RARB: variants seen among roughly 807,000 people sequenced by gnomAD.
The protein encoded by RARB is HBV-activated protein.
A neutral mutation model predicts 51.9 loss-of-function variants in RARB; 17 were observed. The ratio of observed to expected loss-of-function variants is 0.33; its 90% CI spans 0.22 to 0.49. The LOEUF is 0.49. Ranked by LOEUF, RARB falls within the 20% of genes least tolerant of loss-of-function variation. The pLI, the probability that RARB is intolerant of heterozygous loss-of-function variation, is 0.99. For synonymous variants in RARB, 215 were observed against 195.4 expected (o/e 1.10, Z -0.84); for missense variants, 369 against 550.8 (o/e 0.67, Z 3.30).
intron 2 of RARB, among the ~76,000 whole-genome samples, chr3:24,871,523 A>G (rs368047053): frequency 3.1e-4 from 47 of 152,178 alleles, no homozygotes; most frequent in East Asian, 2.5e-3. Flanking sequence ...AAATCTATAG[A>G]TTGAATGTCC....
At chr3:24,992,860 A>G (rs1696942940) in intron 2 of RARB, among the ~76,000 whole-genome samples, 1 of 149,806 alleles carries the variant, frequency 6.7e-6, no homozygotes, top group Non-Finnish European at 1.5e-5. Flanking sequence ...AGGGATTAGG[A>G]CTTCAACATA....
At chr3:25,475,411 A>G (rs1307591437) in intron 2 of RARB, among the ~76,000 whole-genome samples, 2 of 151,256 alleles carry the variant, frequency 1.3e-5, no homozygotes, top group African/African-American at 2.4e-5. Flanking sequence ...AGGGGGGGGG[A>G]TCCCCTGCAA....
At chr3:25,331,089 C>T (rs888006160) in intron 5 of RARB, among the ~76,000 whole-genome samples, 47 of 152,134 alleles carry the variant, frequency 3.1e-4, no homozygotes, top group Admixed American at 1.0e-3. Flanking sequence ...GACTTTAACA[C>T]CCCACTGTCA....
intron 5 of RARB, among the ~76,000 whole-genome samples, chr3:25,333,417 G>A (rs1373776742): frequency 4.6e-5 from 7 of 152,254 alleles, no homozygotes; most frequent in Non-Finnish European, 8.8e-5. Flanking sequence ...ACAAAAACAA[G>A]AAATGGGGAA....
At chr3:25,013,766 G>A (rs928430380) in intron 2 of RARB, among the ~76,000 whole-genome samples, 4 of 152,074 alleles carry the variant, frequency 2.6e-5, no homozygotes, top group Non-Finnish European at 4.4e-5. Context: ...CCCACACCGG[G>A]CTTCAAGGCT....
chr3:25,146,560 T>C (rs776262320), intron 4 of RARB, among the ~76,000 whole-genome samples: 1 of 144,090 alleles, frequency 6.9e-6, no homozygotes, highest in South Asian at 2.2e-4. Context: ...CAGGCTGGAG[T>C]GCAATGGCGC....
chr3:25,140,931 A>G (rs188068416), intron 4 of RARB, among the ~76,000 whole-genome samples: 5 of 152,300 alleles, frequency 3.3e-5, no homozygotes, highest in Non-Finnish European at 5.9e-5. Context: ...CTATTTTAAA[A>G]TTAAGTTATG....
In RARB at chr3:25,354,984, C is replaced by G. The variant is rs190751599; in HGVS notation, c.179-106209C>G. ...CATTCAGGCTATCTGGGTTTGAATC[C>G]CAGCTCTTCCACTTCATAAGCTGTG... On this transcript the variant is annotated intron_variant, in intron 5 of 11. Coordinates refer to the RARB transcript ENST00000383772. 1.4e-3 allele frequency among the ~76,000 whole-genome samples: 212 copies of G among 152,096 alleles called. 1 individual carries two copies. Among genetic ancestry groups the G allele is most frequent in the Middle Eastern group, 3.4e-3 (1 of 294 alleles).
chr3:25,317,315 G>A (rs1017576054), intron 5 of RARB, among the ~76,000 whole-genome samples: 16 of 152,148 alleles, frequency 1.1e-4, no homozygotes, highest in Admixed American at 2.0e-4. Context: ...GGAAGGAAGC[G>A]AAGGTAGGTT....
chr3:25,577,212 G>A (rs78477941), intron 4 of RARB, among the ~76,000 whole-genome samples: 6 of 152,134 alleles, frequency 3.9e-5, no homozygotes, highest in East Asian at 3.9e-4. Flanking sequence ...GTTCGCCCGC[G>A]GGATCTTGCA....
At chr3:25,234,748 T>C (rs756828256) in intron 5 of RARB, among the ~76,000 whole-genome samples, 2 of 152,160 alleles carry the variant, frequency 1.3e-5, no homozygotes, top group Non-Finnish European at 2.9e-5. Flanking sequence ...TTCAGAGTGA[T>C]TATCTGCCTT....
At chr3:25,333,386 A>G (rs1704963623) in intron 5 of RARB, among the ~76,000 whole-genome samples, 1 of 152,226 alleles carries the variant, frequency 6.6e-6, no homozygotes, top group Non-Finnish European at 1.5e-5. Context: ...ATCTACGACC[A>G]TCTAGTCTTT....
At chr3:25,466,500 G>A (rs1009639401) in intron 2 of RARB, among the ~76,000 whole-genome samples, 2 of 152,172 alleles carry the variant, frequency 1.3e-5, no homozygotes, top group Non-Finnish European at 1.5e-5. Flanking sequence ...CCAGCCTATC[G>A]TTTGTTTTAT....
chr3:25,098,882 A>T (rs1699348530), intron 3 of RARB, among the ~76,000 whole-genome samples: 1 of 152,142 alleles, frequency 6.6e-6, no homozygotes, highest in Non-Finnish European at 1.5e-5. Context: ...ACCCCTGCAA[A>T]ATGTTCTTCA....
At chr3:25,097,218 G>A (rs1351378823) in intron 3 of RARB, among the ~76,000 whole-genome samples, 2 of 152,130 alleles carry the variant, frequency 1.3e-5, no homozygotes, top group Admixed American at 1.3e-4. Flanking sequence ...TTGATTTGCG[G>A]TGCACTGGAC....
chr3:25,380,901 A>G (rs987238929), intron 5 of RARB, among the ~76,000 whole-genome samples: 4 of 151,986 alleles, frequency 2.6e-5, no homozygotes, highest in South Asian at 2.1e-4. Flanking sequence ...TTTGTCATGC[A>G]TGTTTAGTTT....
intron 4 of RARB, among the ~76,000 whole-genome samples, chr3:25,137,543 G>T (rs2125335683): frequency 6.6e-6 from 1 of 152,166 alleles, no homozygotes; most frequent in Admixed American, 6.5e-5. Flanking sequence ...TTTGATTTTA[G>T]TAGAAAATTT....
At chr3:25,350,998 G>C (rs1705551729) in intron 5 of RARB, among the ~76,000 whole-genome samples, 1 of 152,184 alleles carries the variant, frequency 6.6e-6, no homozygotes, top group South Asian at 2.1e-4. Flanking sequence ...TAGGCTTTGT[G>C]CTCCCGTTTC....
Position 25,183,678 on chromosome 3 carries a change from T to C in RARB, c.178+9103T>C, listed in dbSNP as rs544202998. Among the ~76,000 whole-genome samples the C allele has an allele frequency of 4.9e-4, 74 of 152,282 alleles. 1 individual carries two copies. The South Asian group carries it at 0.014, about 29-fold the overall frequency. ...TTATTGGCTTATCTTCTAGTCTCTC[T>C]TTAGGATTTGTATACTATAAATTTA... On this transcript the variant is annotated intron_variant, in intron 5 of 11. Transcript: ENST00000383772.
Sources: gnomAD v4.1 joint callset for allele counts (sites outside exome capture counted in the v4.1 genomes callset) on GRCh38, gnomAD v4.1.1 for gene constraint, MANE v1.5 for transcripts, NCBI Gene and HGNC (gene_info 2026-07-23, HGNC 2026-07-21) for gene names.